The following NTNG1 variants were observed in gnomAD, a reference collection of about 807,000 sequenced individuals.
NTNG1 encodes the protein netrin G1.
A neutral mutation model predicts 54.0 loss-of-function variants in NTNG1; 16 were observed. That is an observed-to-expected ratio of 0.30 (90% CI 0.20 to 0.45). NTNG1 has a LOEUF of 0.45. NTNG1 is among the 20% of genes least tolerant of loss of function. NTNG1 has a pLI of 1.00. For missense variants in NTNG1, 530 were observed against 678.7 expected (o/e 0.78, Z 2.43); for synonymous variants, 255 against 263.1 (o/e 0.97, Z 0.30).
At chr1:107,146,226 G>A (rs766406854) in intron 1 of NTNG1, among the ~76,000 whole-genome samples, 2 of 152,020 alleles carry the variant, frequency 1.3e-5, no homozygotes, top group Non-Finnish European at 2.9e-5. Context: ...ATAAATTACT[G>A]TGTATTTGAA....
chr1:107,214,762 G>T (rs904788828), intron 2 of NTNG1, among the ~76,000 whole-genome samples: 3 of 144,986 alleles, frequency 2.1e-5, no homozygotes, highest in African/African-American at 7.7e-5. Flanking sequence ...GCGTAAAAGT[G>T]TTTCCTTTTC....
chr1:107,238,208 G>T (rs1056261583), intron 2 of NTNG1, among the ~76,000 whole-genome samples: 1 of 152,206 alleles, frequency 6.6e-6, no homozygotes, highest in South Asian at 2.1e-4. Context: ...GGGGCTTTAA[G>T]ATTTGACTGC....
intron 3 of NTNG1, among the ~76,000 whole-genome samples, chr1:107,329,373 A>G (rs1340461676): frequency 6.6e-6 from 1 of 152,174 alleles, no homozygotes; most frequent in Non-Finnish European, 1.5e-5. Context: ...TATTCTTTGA[A>G]TGTCACTGCC....
At chr1:107,236,504 AG>A (rs1485730574) in intron 2 of NTNG1, among the ~76,000 whole-genome samples, 3 of 152,176 alleles carry the variant, frequency 2.0e-5, no homozygotes, top group Non-Finnish European at 4.4e-5. Context: ...GGGTTTGAGG[AG>A]CTCAGAGTGT....
rs548800261 is a variant in NTNG1 at position 107,291,089 on chromosome 1, T to C, written c.247-33193T>C. On this transcript the variant is annotated intron_variant, in intron 2 of 7. Transcript: ENST00000370068. The stretch of plus-strand genomic sequence containing the variant: ...GTGGGTCTACTTATACACAGATTTT[T>C]TTCTACCTCTGCCACCTCTGAGACA... 2.0e-5 allele frequency among the ~76,000 whole-genome samples: 3 copies of C among 151,446 alleles called. No individual in the cohort carries two copies. The East Asian group carries it at 5.8e-4, about 29-fold the overall frequency.
chr1:107,371,894 T>G (rs1670941221), intron 3 of NTNG1, among the ~76,000 whole-genome samples: 1 of 152,054 alleles, frequency 6.6e-6, no homozygotes, highest in Admixed American at 6.5e-5. Flanking sequence ...CATTATATAC[T>G]TAATGGTTCA....
intron 5 of NTNG1, among the ~76,000 whole-genome samples, chr1:107,429,615 A>G (rs1675127312): frequency 6.6e-6 from 1 of 152,158 alleles, no homozygotes; most frequent in Non-Finnish European, 1.5e-5. Context: ...AAAGCAAGAC[A>G]GATATTGATG....
chr1:107,401,529 T>C (rs1044244640), intron 4 of NTNG1, among the ~76,000 whole-genome samples: 1 of 152,156 alleles, frequency 6.6e-6, no homozygotes, highest in Non-Finnish European at 1.5e-5. Context: ...AACATTTTAA[T>C]GTTTCTACAG....
chr1:107,373,140 C>T (rs1023633248), intron 3 of NTNG1, among the ~76,000 whole-genome samples: 1 of 151,828 alleles, frequency 6.6e-6, no homozygotes, highest in African/African-American at 2.4e-5. Flanking sequence ...TCTACTTGTC[C>T]CATTCTTATT....
At chr1:107,401,352 C>T (rs1270908217) in intron 4 of NTNG1, among the ~76,000 whole-genome samples, 5 of 152,088 alleles carry the variant, frequency 3.3e-5, no homozygotes, top group South Asian at 2.1e-4. Flanking sequence ...TGTTGAAAAC[C>T]GGAATACCAA....
chr1:107,286,451 G>A (rs1354218919), intron 2 of NTNG1, among the ~76,000 whole-genome samples: 2 of 152,150 alleles, frequency 1.3e-5, no homozygotes, highest in African/African-American at 4.8e-5. Context: ...GTAAACTGAA[G>A]CTGACAGGAT....
intron 2 of NTNG1, among the ~76,000 whole-genome samples, chr1:107,276,307 C>T (rs984601430): frequency 6.6e-6 from 1 of 152,108 alleles, no homozygotes; most frequent in Admixed American, 6.6e-5. Flanking sequence ...CTCTTCATAG[C>T]AACATTGTCT....
chr1:107,395,213 A>C lies in NTNG1; in HGVS notation c.947A>C (p.Glu316Ala). Residue 316 changes from glutamate (E) to alanine (A), a missense_variant, in exon 4 of 8, where the codon GAA becomes GCA. This residue lies in a region of NTNG1 where 318 missense variants were observed against 465.1 expected (regional missense o/e 0.68). Transcript: ENST00000370068. ...CVYDNSKLTC[E>A]CEHNTTGPDC... Reference sequence around the variant, plus strand: ...TATGACAACAGCAAATTGACATGCGAATGTGAGCACAACACTACAGGTCCA... The same window carrying C: ...TATGACAACAGCAAATTGACATGCGCATGTGAGCACAACACTACAGGTCCA... 6.2e-7 allele frequency: 1 copy of C among 1,613,498 alleles called. No individual in the cohort carries two copies.
intron 3 of NTNG1, among the ~76,000 whole-genome samples, chr1:107,388,980 A>G (rs1672192226): frequency 6.6e-6 from 1 of 152,250 alleles, no homozygotes; most frequent in Non-Finnish European, 1.5e-5. Flanking sequence ...AATCCAAGGG[A>G]AGAGGCGCAA....
rs372165984 is a variant in NTNG1 at position 107,418,765 on chromosome 1, A to G, written c.1087+11057A>G. ...TGAATGCTATGTCTTTGAAAGAATC[A>G]TAATTCAATCTTTTTTTCTAATATG... On this transcript the variant is annotated intron_variant, in intron 5 of 7. Coordinates refer to ENST00000370068, the MANE Select transcript of NTNG1 (RefSeq NM_001113226.3). 2.8e-5 allele frequency: 17 copies of G among 610,582 alleles called. No individual in the cohort carries two copies. In the South Asian group the frequency reaches 3.4e-4, roughly 12 times the overall value. The allele number at this position is 610,582 out of a possible 1,614,324, so 37.8% of individuals were successfully genotyped here.
chr1:107,280,307 CT>C (rs1557865668), intron 2 of NTNG1, among the ~76,000 whole-genome samples: 6 of 151,556 alleles, frequency 4.0e-5, no homozygotes, highest in African/African-American at 1.4e-4. Context: ...CTTTGCAACT[CT>C]ACTAGATGTT....
intron 4 of NTNG1, among the ~76,000 whole-genome samples, chr1:107,405,405 G>A (rs1158390866): frequency 6.6e-6 from 1 of 152,090 alleles, no homozygotes; most frequent in Non-Finnish European, 1.5e-5. Context: ...ATGAGGAACA[G>A]CCTGAATTTT....
At position 107,480,860 on chromosome 1, in the gene NTNG1, CGG is replaced by C. The variant is rs765257495; in HGVS notation, c.*21_*22del. 101 of 1,534,928 alleles carry C rather than the reference CGG, an allele frequency of 6.6e-5. No homozygotes were observed. Among genetic ancestry groups the C allele is most frequent in the Non-Finnish European group, 8.8e-5 (100 of 1,133,280 alleles). ...TTCTAGGTGTCACCTCCAGCCACAC[CGG>C]ACGGGCCTGTGCCGTGGGGAAGCAG... On this transcript the variant is annotated 3_prime_UTR_variant, in exon 8 of 8. Coordinates refer to ENST00000370068, the MANE Select transcript of NTNG1 (RefSeq NM_001113226.3).
chr1:107,450,079 G>C (rs1262878983), intron 7 of NTNG1, among the ~76,000 whole-genome samples: 1 of 152,012 alleles, frequency 6.6e-6, no homozygotes, highest in African/African-American at 2.4e-5. Flanking sequence ...GTTCAGTTAT[G>C]TTTTTAAAAG....
Sources: allele counts gnomAD v4.1 joint callset (sites outside exome capture counted in the v4.1 genomes callset), GRCh38; gene constraint gnomAD v4.1.1; regional missense constraint gnomAD v4.1.1; transcripts MANE v1.5; gene names NCBI Gene and HGNC (gene_info 2026-07-23, HGNC 2026-07-21).